Variants in TLL2 observed in about 807,000 individuals in gnomAD.
TLL2 encodes the protein tolloid-like protein 2.
Under a neutral mutation model 123.0 loss-of-function variants are expected in TLL2, and 106 were observed. The observed-to-expected ratio is 0.86, with a 90% CI of 0.74 to 1.01. TLL2 has a LOEUF of 1.01. Ranked by LOEUF, TLL2 falls within the 50% of genes least tolerant of loss-of-function variation. TLL2 has a pLI of 0.00. For missense variants in TLL2, 1,332 were observed against 1,336.7 expected, an observed-to-expected ratio of 1.00 and a Z score of 0.06; for synonymous variants, 494 against 516.8, an observed-to-expected ratio of 0.96 and a Z score of 0.60.
chr10:96,493,604 G>A (rs1016879020), intron 1 of TLL2, among the ~76,000 whole-genome samples: 1 of 152,090 alleles, frequency 6.6e-6, no homozygotes, highest in Non-Finnish European at 1.5e-5. Context: ...GGGCAAAAAG[G>A]GAGGCTGAGA....
At chr10:96,504,047 C>A (rs1847557437) in intron 1 of TLL2, among the ~76,000 whole-genome samples, 1 of 152,200 alleles carries the variant, frequency 6.6e-6, no homozygotes, top group South Asian at 2.1e-4. Context: ...ATGCAAGCAA[C>A]CTGACCATGG....
intron 2 of TLL2, among the ~76,000 whole-genome samples, chr10:96,473,612 G>C (rs943880697): frequency 1.3e-5 from 2 of 152,208 alleles, no homozygotes; most frequent in African/African-American, 4.8e-5. Context: ...TGAGGATTTA[G>C]AGCAAGGTTG....
rs1846105506 is a variant in TLL2 at position 96,373,661 on chromosome 10, A to T, written c.2597T>A (p.Met866Lys). 6.2e-7 allele frequency: 1 copy of T among 1,614,230 alleles called. No individual in the cohort carries two copies. The highest frequency in any genetic ancestry group is 8.5e-7 in the Non-Finnish European group (1 of 1,180,054). The change falls in exon 19 of 21, where the codon ATG becomes AAG. Residue 866 changes from methionine to lysine, a missense_variant. Transcript: ENST00000357947. The part of the protein sequence containing the change: ...PDPTVASGSS[M>K]FLRFYSDASV... Reference sequence around the variant, plus strand: ...GGCATCCGAATAAAACCTGAGAAACATACTGCTGCCGGAAGCCACCGTGGG... The same window carrying T: ...GGCATCCGAATAAAACCTGAGAAACTTACTGCTGCCGGAAGCCACCGTGGG...
chr10:96,395,239 A>G lies in TLL2; in HGVS notation c.1674T>C (p.Phe558=). The G allele has an allele frequency of 6.2e-7, 1 of 1,613,294 alleles. No individual in the cohort carries two copies. Among genetic ancestry groups the G allele is most frequent in the Non-Finnish European group, 8.5e-7 (1 of 1,179,798 alleles). The change falls in exon 13 of 21, where the codon TTT becomes TTC. Residue 558 remains phenylalanine (F), a synonymous_variant. Coordinates refer to ENST00000357947, the MANE Select transcript of TLL2 (RefSeq NM_012465.4). ...CTTTATTGATAGAGCCATCGGACAC[A>G]AACTTCATCCACAGTCTGTTGGAGC... ...KSSSNRLWMK[F]VSDGSINKAG...
At chr10:96,507,325 C>T (rs1225731861) in intron 1 of TLL2, among the ~76,000 whole-genome samples, 1 of 152,092 alleles carries the variant, frequency 6.6e-6, no homozygotes, top group Admixed American at 6.5e-5. Context: ...TGGCCCTGCC[C>T]TCATCTGCAT....
At chr10:96,476,477 G>T (rs1847253352) in intron 2 of TLL2, among the ~76,000 whole-genome samples, 1 of 151,282 alleles carries the variant, frequency 6.6e-6, no homozygotes, top group South Asian at 2.1e-4. Flanking sequence ...GGCCAGGCTG[G>T]TCTTGAACTC....
intron 2 of TLL2, among the ~76,000 whole-genome samples, chr10:96,459,669 C>CAAAAAAAAAAAA (rs1165594084): frequency 4.1e-5 from 1 of 24,446 alleles, no homozygotes; most frequent in Non-Finnish European, 6.7e-5. Flanking sequence ...GATCCTGTTT[C>CAAAAAAAAAAAA]AAAAAAAAAA....
At chr10:96,417,821 C>T (rs1417654763) in intron 7 of TLL2, among the ~76,000 whole-genome samples, 1 of 152,196 alleles carries the variant, frequency 6.6e-6, no homozygotes, top group Non-Finnish European at 1.5e-5. Context: ...ATCAATCTGT[C>T]AGATGACTGT....
intron 3 of TLL2, among the ~76,000 whole-genome samples, chr10:96,444,471 G>GA (rs1201590498): frequency 1.3e-5 from 2 of 152,186 alleles, no homozygotes; most frequent in African/African-American, 4.8e-5. Flanking sequence ...GCATGATGCA[G>GA]AAAAAATGTG....
At chr10:96,450,660 G>A (rs1388377816) in intron 2 of TLL2, among the ~76,000 whole-genome samples, 4 of 152,132 alleles carry the variant, frequency 2.6e-5, no homozygotes, top group Admixed American at 2.0e-4. Context: ...GATGAAAAGC[G>A]TTTCTCCGTT....
chr10:96,457,284 A>G (rs946214212), intron 2 of TLL2, among the ~76,000 whole-genome samples: 2 of 152,092 alleles, frequency 1.3e-5, no homozygotes, highest in Non-Finnish European at 2.9e-5. Context: ...AGCTCTTCCC[A>G]GGCCCCAGCC....
intron 2 of TLL2, among the ~76,000 whole-genome samples, chr10:96,475,272 T>C (rs929264425): frequency 6.6e-6 from 1 of 152,216 alleles, no homozygotes; most frequent in Non-Finnish European, 1.5e-5. Context: ...ATCCTAAAGC[T>C]GTCAGTGGCT....
chr10:96,433,559 A>G (rs7101042), intron 3 of TLL2, among the ~76,000 whole-genome samples: 5,370 of 152,194 alleles, frequency 0.035, 300 homozygotes, highest in African/African-American at 0.12. Flanking sequence ...GCCTCCCACA[A>G]TGGCAGAGGT....
At chr10:96,476,906 GCA>G (rs1020179476) in intron 2 of TLL2, among the ~76,000 whole-genome samples, 12 of 122,282 alleles carry the variant, frequency 9.8e-5, no homozygotes, top group African/African-American at 2.6e-4. Flanking sequence ...ACGCAAACAT[GCA>G]CACACACAGC....
chr10:96,470,785 G>A (rs1272332313), intron 2 of TLL2, among the ~76,000 whole-genome samples: 4 of 152,120 alleles, frequency 2.6e-5, no homozygotes, highest in African/African-American at 4.8e-5. Flanking sequence ...ACACCTACAC[G>A]TACTAATAGT....
At chr10:96,433,055 G>T in intron 3 of TLL2, 93 bp from the exon 4 acceptor site, 2 of 1,514,152 alleles carry the variant, frequency 1.3e-6, no homozygotes, top group South Asian at 1.3e-5. Context: ...CAAAAAGGGG[G>T]TGTTAAAACA....
intron 10 of TLL2, among the ~76,000 whole-genome samples, chr10:96,398,722 C>T (rs989714406): frequency 4.6e-5 from 7 of 152,126 alleles, no homozygotes; most frequent in African/African-American, 1.4e-4. Context: ...AGGCCAGCCA[C>T]GGTCTATTTG....
rs891059487 is a variant in TLL2 at position 96,467,225 on chromosome 10, C to T, written c.286+13124G>A. ...GTATTTTTTTAGAAACAGCATCTTG[C>T]TTTGTCACCCAGGCTGCAGAGCAGT... On this transcript the variant is annotated intron_variant, in intron 2 of 20. Coordinates refer to ENST00000357947, the MANE Select transcript of TLL2 (RefSeq NM_012465.4). 9.1e-4 allele frequency among the ~76,000 whole-genome samples: 139 copies of T among 152,188 alleles called. 1 individual carries two copies. The highest frequency in any genetic ancestry group is 3.3e-3 in the African/African-American group (135 of 41,516).
At chr10:96,372,136 C>A (rs917772220) in intron 19 of TLL2, among the ~76,000 whole-genome samples, 1 of 152,200 alleles carries the variant, frequency 6.6e-6, no homozygotes, top group Non-Finnish European at 1.5e-5. Context: ...TCTGCAGGGA[C>A]AAGAGGGCTT....
Sources: gnomAD v4.1 joint callset for allele counts (sites outside exome capture counted in the v4.1 genomes callset) on GRCh38, gnomAD v4.1.1 for gene constraint, MANE v1.5 for transcripts, NCBI Gene and HGNC (gene_info 2026-07-23, HGNC 2026-07-21) for gene names.